The following CNTNAP2 variants were observed in gnomAD, a reference collection of about 807,000 sequenced individuals.
CNTNAP2 encodes contactin-associated protein-like 2.
A neutral mutation model predicts 155.2 loss-of-function variants in CNTNAP2; 98 were observed. The observed-to-expected ratio is 0.63, with a 90% CI of 0.54 to 0.75. The LOEUF (loss-of-function observed/expected upper bound fraction) is 0.75. CNTNAP2 is among the 30% of genes least tolerant of loss of function. The pLI, the probability that CNTNAP2 is intolerant of heterozygous loss-of-function variation, is 0.00. For synonymous variants in CNTNAP2, 651 were observed against 631.2 expected, an observed-to-expected ratio of 1.03 and a Z score of -0.47; for missense variants, 1,727 against 1,688.1, an observed-to-expected ratio of 1.02 and a Z score of -0.40.
intron 14 of CNTNAP2, among the ~76,000 whole-genome samples, chr7:147,912,331 C>G (rs537685106): frequency 6.6e-6 from 1 of 152,246 alleles, no homozygotes; most frequent in South Asian, 2.1e-4. Context: ...CTTCAGTATT[C>G]AAAAACAACT....
chr7:147,966,561 T>A (rs1360715048), intron 14 of CNTNAP2, among the ~76,000 whole-genome samples: 3 of 152,122 alleles, frequency 2.0e-5, no homozygotes, highest in Non-Finnish European at 1.5e-5. Flanking sequence ...GCATGTACCC[T>A]CACATTCCAA....
chr7:147,775,845 G>A (rs540582315), intron 13 of CNTNAP2, among the ~76,000 whole-genome samples: 1 of 152,222 alleles, frequency 6.6e-6, no homozygotes, highest in East Asian at 1.9e-4. Context: ...GCATTCATGG[G>A]TAATGTTAAA....
At chr7:147,264,284 C>T (rs1584829401) in intron 8 of CNTNAP2, among the ~76,000 whole-genome samples, 1 of 152,034 alleles carries the variant, frequency 6.6e-6, no homozygotes, top group South Asian at 2.1e-4. Context: ...AACCATTTCC[C>T]CAGAGAAGCA....
chr7:147,197,547 G>A (rs916221230), intron 8 of CNTNAP2, among the ~76,000 whole-genome samples: 5 of 151,974 alleles, frequency 3.3e-5, no homozygotes, highest in Admixed American at 6.6e-5. Context: ...CTCTCTTGCC[G>A]GAAAAAAGGG....
intron 1 of CNTNAP2, among the ~76,000 whole-genome samples, chr7:146,272,299 G>T (rs1043338587): frequency 2.6e-5 from 4 of 152,224 alleles, no homozygotes; most frequent in Non-Finnish European, 5.9e-5. Flanking sequence ...GGAGCATGGA[G>T]GTAATCACTC....
intron 8 of CNTNAP2, among the ~76,000 whole-genome samples, chr7:147,180,938 A>G (rs1347038229): frequency 6.6e-6 from 1 of 152,260 alleles, no homozygotes; most frequent in Non-Finnish European, 1.5e-5. Context: ...TAAAATTAAT[A>G]TATAGTAGCC....
At chr7:148,381,814 C>CA (rs1192864323) in intron 21 of CNTNAP2, among the ~76,000 whole-genome samples, 1 of 152,194 alleles carries the variant, frequency 6.6e-6, no homozygotes, top group Non-Finnish European at 1.5e-5. Context: ...TCACATGGCC[C>CA]TGAGTTGGAA....
At chr7:147,191,096 A>G (rs1400691994) in intron 8 of CNTNAP2, among the ~76,000 whole-genome samples, 2 of 152,210 alleles carry the variant, frequency 1.3e-5, no homozygotes, top group Non-Finnish European at 2.9e-5. Context: ...CACCATGTAC[A>G]GTCTAGAATC....
intron 4 of CNTNAP2, among the ~76,000 whole-genome samples, chr7:147,063,063 T>A (rs1252637203): frequency 6.6e-6 from 1 of 152,182 alleles, no homozygotes; most frequent in Non-Finnish European, 1.5e-5. Flanking sequence ...CTAGTCCAAC[T>A]ATTAAGTTTG....
chr7:148,030,963 G>C (rs1310867706), intron 15 of CNTNAP2, among the ~76,000 whole-genome samples: 1 of 152,128 alleles, frequency 6.6e-6, no homozygotes, highest in Non-Finnish European at 1.5e-5. Flanking sequence ...GACTTTCTTT[G>C]AAACGATTGT....
intron 13 of CNTNAP2, among the ~76,000 whole-genome samples, chr7:147,884,284 A>T (rs1799570663): frequency 6.6e-6 from 1 of 152,176 alleles, no homozygotes. Context: ...CTTCACAGAA[A>T]ATGGGGCGAT....
intron 3 of CNTNAP2, 96 bp downstream of exon 3, chr7:146,840,000 A>T: frequency 7.3e-7 from 1 of 1,364,438 alleles, no homozygotes; most frequent in Non-Finnish European, 1.0e-6. Context: ...ATCAATATTT[A>T]TGTATTCAAA....
At chr7:147,989,637 C>T (rs1180869407) in intron 15 of CNTNAP2, among the ~76,000 whole-genome samples, 1 of 152,190 alleles carries the variant, frequency 6.6e-6, no homozygotes, top group Non-Finnish European at 1.5e-5. Context: ...GACAGTGTAG[C>T]ATCCAGCCAT....
chr7:148,337,344 C>T (rs556345005), intron 21 of CNTNAP2, among the ~76,000 whole-genome samples: 2 of 152,242 alleles, frequency 1.3e-5, no homozygotes, highest in South Asian at 2.1e-4. Context: ...GGAGCCTCCT[C>T]CCTGAGCCGG....
chr7:148,175,794 A>G (rs1399871876), intron 18 of CNTNAP2, among the ~76,000 whole-genome samples: 1 of 152,016 alleles, frequency 6.6e-6, no homozygotes, highest in African/African-American at 2.4e-5. Flanking sequence ...CAGACAGCCC[A>G]TACTGTTTGA....
In CNTNAP2 at chr7:146,452,245, C is replaced by T. The variant is rs554513535; in HGVS notation, c.98-322026C>T. Among the ~76,000 whole-genome samples the T allele has an allele frequency of 3.9e-5, 6 of 152,156 alleles. No individual in the cohort carries two copies. The East Asian group carries it at 9.7e-4, about 25-fold the overall frequency. ...TTGTCTTCATACCACTTACCATAAA[C>T]TTCTATTATAATAATTGTTTTATTA... On this transcript the variant is annotated intron_variant, in intron 1 of 23. Transcript: ENST00000361727.
chr7:147,880,812 T>G (rs1799506149), intron 13 of CNTNAP2, among the ~76,000 whole-genome samples: 2 of 148,626 alleles, frequency 1.3e-5, no homozygotes, highest in African/African-American at 5.0e-5. Flanking sequence ...GAAGGAGGAG[T>G]AGACCTTAAC....
At chr7:146,814,376 G>T (rs2129194564) in intron 2 of CNTNAP2, among the ~76,000 whole-genome samples, 1 of 151,872 alleles carries the variant, frequency 6.6e-6, no homozygotes, top group South Asian at 2.1e-4. Context: ...TTAGTATTAA[G>T]GAAATAACCT....
At position 147,361,826 on chromosome 7, in the gene CNTNAP2, C is replaced by T. The variant is rs146803557; in HGVS notation, c.1499-33783C>T. ...AGATAGTCACCTTTTTTATTTTTAA[C>T]AATGACATATTGATGAGTCAGGAAT... is the stretch of plus-strand genomic sequence containing the variant. On this transcript the variant is annotated intron_variant, in intron 9 of 23. Coordinates refer to ENST00000361727, the MANE Select transcript of CNTNAP2 (RefSeq NM_014141.6). Among the ~76,000 whole-genome samples, 231 of 152,090 alleles carry T rather than the reference C, an allele frequency of 1.5e-3. 2 individuals are homozygous for T. The highest frequency in any genetic ancestry group is 5.3e-3 in the African/African-American group (221 of 41,500).
Sources: gnomAD v4.1 joint callset for allele counts (sites outside exome capture counted in the v4.1 genomes callset) on GRCh38, gnomAD v4.1.1 for gene constraint, MANE v1.5 for transcripts, NCBI Gene and HGNC (gene_info 2026-07-23, HGNC 2026-07-21) for gene names.